SEMA6D: variants seen among roughly 807,000 people sequenced by gnomAD.
SEMA6D encodes semaphorin 6D, also known as semaphorin-6D.
Under a neutral mutation model 106.6 loss-of-function variants are expected in SEMA6D, and 35 were observed. The ratio of observed to expected loss-of-function variants is 0.33; its 90% CI spans 0.25 to 0.44. SEMA6D has a LOEUF of 0.44. SEMA6D is among the 20% of genes least tolerant of loss of function. The probability of loss-of-function intolerance (pLI) is 1.00; values close to 1 mark genes in which losing one functional copy is unlikely to be tolerated. For missense variants in SEMA6D, 1,185 were observed against 1,345.9 expected (o/e 0.88, Z 1.87); for synonymous variants, 499 against 487.7 (o/e 1.02, Z -0.31).
intron 4 of SEMA6D, among the ~76,000 whole-genome samples, chr15:47,709,607 T>A (rs2078977086): frequency 6.6e-6 from 1 of 152,140 alleles, no homozygotes; most frequent in South Asian, 2.1e-4. Context: ...GTTACAGTCT[T>A]ATGCTGGGGA....
chr15:47,570,016 G>A (rs933052576), intron 3 of SEMA6D, among the ~76,000 whole-genome samples: 3 of 138,704 alleles, frequency 2.2e-5, no homozygotes, highest in South Asian at 5.1e-4. Context: ...ACCCGAGATC[G>A]CACCACTGCA....
intron 1 of SEMA6D, among the ~76,000 whole-genome samples, chr15:47,740,904 T>A (rs995047138): frequency 2.6e-5 from 4 of 152,160 alleles, no homozygotes; most frequent in Non-Finnish European, 5.9e-5. Context: ...AACCAATACT[T>A]AAGATTTAGG....
Position 47,770,653 on chromosome 15 carries a change from T to A in SEMA6D, c.2090T>A (p.Ile697Asn). ...RDMFVRKNRK[I>N]HKDAESAQSC... ...ATGTTTGTTCGGAAAAACAGAAAGA[T>A]CCATAAAGATGCAGAGTCCGCCCAG... The change falls in exon 19 of 19, where the codon ATC becomes AAC. Residue 697 changes from isoleucine (I) to asparagine (N), a missense_variant. By Grantham distance (149) the Ile-to-Asn change is moderately radical (BLOSUM62 -3). Around this residue, in one of 3 missense-constraint regions of SEMA6D, gnomAD observed 750 missense variants for 783.5 expected, o/e 0.96. Transcript: ENST00000536845. 6.2e-7 allele frequency: 1 copy of A among 1,613,970 alleles called. No individual in the cohort carries two copies. The highest frequency in any genetic ancestry group is 8.5e-7 in the Non-Finnish European group (1 of 1,179,956).
intron 1 of SEMA6D, among the ~76,000 whole-genome samples, chr15:47,755,243 CTTG>C (rs1426599053): frequency 6.6e-6 from 1 of 152,104 alleles, no homozygotes; most frequent in Non-Finnish European, 1.5e-5. Context: ...CATGCCCAGC[CTTG>C]TTGTTGAATT....
At chr15:47,259,700 A>G (rs1461091522) in intron 1 of SEMA6D, among the ~76,000 whole-genome samples, 1 of 152,106 alleles carries the variant, frequency 6.6e-6, no homozygotes, top group Non-Finnish European at 1.5e-5. Flanking sequence ...CAGAGTCTTG[A>G]ATCTGTACAT....
chr15:47,633,922 A>C (rs578034581), intron 4 of SEMA6D, among the ~76,000 whole-genome samples: 1 of 152,294 alleles, frequency 6.6e-6, no homozygotes, highest in East Asian at 1.9e-4. Context: ...GAGCCAATCC[A>C]GGAAGTTTTT....
chr15:47,291,354 A>C (rs1221115281), intron 1 of SEMA6D, among the ~76,000 whole-genome samples: 1 of 151,992 alleles, frequency 6.6e-6, no homozygotes, highest in Non-Finnish European at 1.5e-5. Flanking sequence ...GAATTTCTCT[A>C]CCTCCCTCCC....
intron 3 of SEMA6D, among the ~76,000 whole-genome samples, chr15:47,575,198 T>C (rs2142968217): frequency 6.6e-6 from 1 of 152,354 alleles, no homozygotes; most frequent in East Asian, 1.9e-4. Flanking sequence ...CTCTGTCTCT[T>C]AATTCTTTTG....
At chr15:47,215,865 T>G (rs2030542630) in intron 1 of SEMA6D, among the ~76,000 whole-genome samples, 3 of 152,160 alleles carry the variant, frequency 2.0e-5, no homozygotes, top group African/African-American at 7.2e-5. Context: ...GCATGTGAAG[T>G]ACTGTGACAG....
Position 47,583,818 on chromosome 15 carries a change from G to A in SEMA6D, c.-86-17047G>A, listed in dbSNP as rs925825090. 4.6e-5 allele frequency among the ~76,000 whole-genome samples: 7 copies of A among 152,268 alleles called. No homozygotes were observed. The East Asian group carries it at 9.7e-4, about 21-fold the overall frequency. ...CATTAGGGCTTGGGAGGAGAGCAGG[G>A]GAGAAAGAAGGCAGAGAGTAGCCAG... On this transcript the variant is annotated intron_variant, in intron 3 of 19. Coordinates refer to the SEMA6D transcript ENST00000558014.
intron 1 of SEMA6D, among the ~76,000 whole-genome samples, chr15:47,237,169 G>A (rs1209988373): frequency 1.3e-5 from 2 of 152,124 alleles, no homozygotes; most frequent in East Asian, 3.9e-4. Context: ...CAAAATCCTG[G>A]TCAAGTTCTC....
intron 1 of SEMA6D, among the ~76,000 whole-genome samples, chr15:47,291,194 G>A (rs548940601): frequency 2.0e-5 from 3 of 152,308 alleles, no homozygotes; most frequent in African/African-American, 7.2e-5. Flanking sequence ...ATGAAAATTT[G>A]AATGATCCTA....
At chr15:47,512,355 T>A (rs72733851) in intron 3 of SEMA6D, among the ~76,000 whole-genome samples, 1 of 152,134 alleles carries the variant, frequency 6.6e-6, no homozygotes, top group Non-Finnish European at 1.5e-5. Flanking sequence ...GTGATCATGA[T>A]AGAGAAAATG....
chr15:47,711,275 A>C (rs1386307545), intron 4 of SEMA6D, among the ~76,000 whole-genome samples: 19 of 130,904 alleles, frequency 1.5e-4, no homozygotes, highest in Non-Finnish European at 4.6e-5. Flanking sequence ...CCGCCACTGC[A>C]CTCCAGCCTG....
At chr15:47,392,735 A>C (rs1025142) in intron 1 of SEMA6D, among the ~76,000 whole-genome samples, 74,438 of 151,988 alleles carry the variant, frequency 0.49, 21,197 homozygotes, top group African/African-American at 0.8. Flanking sequence ...CTTTGTGATA[A>C]TTTTTTATGG....
At chr15:47,643,559 G>A (rs2077528058) in intron 4 of SEMA6D, among the ~76,000 whole-genome samples, 1 of 152,170 alleles carries the variant, frequency 6.6e-6, no homozygotes, top group African/African-American at 2.4e-5. Flanking sequence ...CTGAGGTTCT[G>A]CATTCATTAC....
intron 3 of SEMA6D, among the ~76,000 whole-genome samples, chr15:47,572,014 T>C (rs2046397670): frequency 6.6e-6 from 1 of 152,216 alleles, no homozygotes; most frequent in Non-Finnish European, 1.5e-5. Context: ...AGAAGCCAAA[T>C]CACACATTGT....
At position 47,366,118 on chromosome 15, in the gene SEMA6D, A is replaced by G. The variant is rs546773001; in HGVS notation, c.-238-46275A>G. ...ACAAAACTGATCACAAATGATAAAG[A>G]TTCGGACTCAAATTCAAAATTGTGT... On this transcript the variant is annotated intron_variant, in intron 1 of 19. Transcript: ENST00000558014. Among the ~76,000 whole-genome samples the G allele has an allele frequency of 1.5e-3, 236 of 152,304 alleles. 2 individuals are homozygous for G. Among genetic ancestry groups the G allele is most frequent in the African/African-American group, 5.5e-3 (229 of 41,556 alleles).
At chr15:47,467,086 A>G (rs2042686915) in intron 2 of SEMA6D, among the ~76,000 whole-genome samples, 2 of 152,052 alleles carry the variant, frequency 1.3e-5, no homozygotes, top group Non-Finnish European at 1.5e-5. Context: ...GTACCAATTT[A>G]AAATTCCACT....
Sources: allele counts gnomAD v4.1 joint callset (sites outside exome capture counted in the v4.1 genomes callset), GRCh38; gene constraint gnomAD v4.1.1; regional missense constraint gnomAD v4.1.1; transcripts MANE v1.5; gene names NCBI Gene and HGNC (gene_info 2026-07-23, HGNC 2026-07-21).